WWOX: variants seen among roughly 807,000 people sequenced by gnomAD.
The protein encoded by WWOX is WW domain-containing oxidoreductase.
In WWOX, 69 loss-of-function variants were observed where a neutral mutation model predicts 46.2. The observed-to-expected ratio is 1.49, with a 90% CI of 1.23 to 1.82. WWOX has a LOEUF of 1.82. Ranked by LOEUF, WWOX falls within the 40% of genes most tolerant of loss-of-function variation. The pLI is 0.00. For synonymous variants in WWOX, 359 were observed against 202.6 expected, an observed-to-expected ratio of 1.77 and a Z score of -6.56; for missense variants, 919 against 542.6, an observed-to-expected ratio of 1.69 and a Z score of -6.89.
chr16:78,711,986 C>T (rs1444900705), intron 8 of WWOX, among the ~76,000 whole-genome samples: 2 of 152,190 alleles, frequency 1.3e-5, no homozygotes, highest in Admixed American at 1.3e-4. Context: ...CTTCCATAAT[C>T]TGTGCTAGTT....
chr16:78,698,328 C>A (rs9926201), intron 8 of WWOX, among the ~76,000 whole-genome samples: 17,409 of 152,226 alleles, frequency 0.11, 2,602 homozygotes, highest in African/African-American at 0.35. Flanking sequence ...ATGAGAGATA[C>A]AGATGGTTAA....
At chr16:78,236,472 T>C (rs537525943) in intron 5 of WWOX, among the ~76,000 whole-genome samples, 37 of 152,322 alleles carry the variant, frequency 2.4e-4, no homozygotes, top group Non-Finnish European at 3.5e-4. Flanking sequence ...GTTTGTCCTT[T>C]CCATGTCAGG....
chr16:78,564,731 A>G (rs567999010), intron 8 of WWOX, among the ~76,000 whole-genome samples: 35 of 152,228 alleles, frequency 2.3e-4, no homozygotes, highest in African/African-American at 8.2e-4. Context: ...ATACAACCAT[A>G]TGGTACCTCT....
intron 8 of WWOX, among the ~76,000 whole-genome samples, chr16:79,178,791 A>G (rs374181135): frequency 6.6e-6 from 1 of 152,200 alleles, no homozygotes; most frequent in Admixed American, 6.5e-5. Flanking sequence ...ACAGTTTCCA[A>G]CTACAATTTT....
chr16:78,663,346 T>C (rs1342933987), intron 8 of WWOX, among the ~76,000 whole-genome samples: 1 of 152,246 alleles, frequency 6.6e-6, no homozygotes, highest in Non-Finnish European at 1.5e-5. Flanking sequence ...TGAACCAATC[T>C]AACTAATACT....
chr16:78,733,294 A>G (rs1216985657), intron 8 of WWOX, among the ~76,000 whole-genome samples: 1 of 152,160 alleles, frequency 6.6e-6, no homozygotes, highest in Non-Finnish European at 1.5e-5. Context: ...TGTTTCTACA[A>G]AAAATAATAA....
chr16:78,774,297 A>T (rs890252705), intron 8 of WWOX, among the ~76,000 whole-genome samples: 2 of 152,272 alleles, frequency 1.3e-5, no homozygotes, highest in East Asian at 3.9e-4. Flanking sequence ...GCTACTCAGG[A>T]GGCTGAAAAA....
At chr16:78,700,806 A>T (rs1447322522) in intron 8 of WWOX, among the ~76,000 whole-genome samples, 1 of 152,208 alleles carries the variant, frequency 6.6e-6, no homozygotes, top group African/African-American at 2.4e-5. Context: ...CTTAGTGAAT[A>T]TTTATTGAAT....
chr16:78,620,658 T>C (rs2046156885), intron 8 of WWOX, among the ~76,000 whole-genome samples: 1 of 151,958 alleles, frequency 6.6e-6, no homozygotes, highest in African/African-American at 2.4e-5. Flanking sequence ...TTGATGCACT[T>C]GTACTGCACA....
chr16:78,201,544 C>T (rs1391205742), intron 5 of WWOX, among the ~76,000 whole-genome samples: 1 of 152,066 alleles, frequency 6.6e-6, no homozygotes, highest in Non-Finnish European at 1.5e-5. Context: ...ACAATTTAGT[C>T]CCTTCTGGAA....
At chr16:79,211,449 C>T (rs1597487900) in intron 8 of WWOX, among the ~76,000 whole-genome samples, 159 bp from the exon 9 acceptor site, 1 of 152,228 alleles carries the variant, frequency 6.6e-6, no homozygotes, top group East Asian at 1.9e-4. Context: ...ATACTTTTTA[C>T]AGTCATGTGC....
chr16:78,863,708 C>A (rs1035737968), intron 8 of WWOX, among the ~76,000 whole-genome samples: 1 of 152,176 alleles, frequency 6.6e-6, no homozygotes, highest in African/African-American at 2.4e-5. Flanking sequence ...ATCTGTTGAA[C>A]CGGCAAAACA....
At chr16:78,734,258 G>A (rs1440982940) in intron 8 of WWOX, among the ~76,000 whole-genome samples, 1 of 152,004 alleles carries the variant, frequency 6.6e-6, no homozygotes, top group African/African-American at 2.4e-5. Flanking sequence ...ATAAGTGCAA[G>A]GATTGCAAGA....
chr16:78,688,277 GTCTTTATCCTTAGA>G (rs937080792), intron 8 of WWOX, among the ~76,000 whole-genome samples: 6 of 150,504 alleles, frequency 4.0e-5, no homozygotes, highest in African/African-American at 1.5e-4. Context: ...TTGTTGCATC[GTCTTTATCCTTAGA>G]TCTTAATCAG....
intron 8 of WWOX, among the ~76,000 whole-genome samples, chr16:78,806,492 T>C (rs1468941138): frequency 2.0e-5 from 3 of 152,122 alleles, no homozygotes; most frequent in Non-Finnish European, 4.4e-5. Flanking sequence ...GGGTCTGAGA[T>C]CATCTGAAGG....
chr16:78,643,815 C>A (rs925891283), intron 8 of WWOX, among the ~76,000 whole-genome samples: 3 of 136,380 alleles, frequency 2.2e-5, no homozygotes. Context: ...TGGAGGAAAG[C>A]CCCCTAACTC....
At chr16:78,650,239 T>C (rs1414802022) in intron 8 of WWOX, among the ~76,000 whole-genome samples, 2 of 152,192 alleles carry the variant, frequency 1.3e-5, no homozygotes, top group East Asian at 1.9e-4. Flanking sequence ...GTGACCATAG[T>C]GTTTCTCTAA....
At chr16:78,581,443 A>ACCG (rs1223384856) in intron 8 of WWOX, among the ~76,000 whole-genome samples, 5 of 152,178 alleles carry the variant, frequency 3.3e-5, no homozygotes, top group Non-Finnish European at 7.4e-5. Flanking sequence ...ATTTTAATTG[A>ACCG]GTTTTAAAGC....
chr16:78,177,555 A>G (rs1262503337), intron 5 of WWOX, among the ~76,000 whole-genome samples: 2 of 152,100 alleles, frequency 1.3e-5, no homozygotes, highest in Non-Finnish European at 2.9e-5. Context: ...GCATCCACAG[A>G]GTGTAAGTAG....
Sources: allele counts gnomAD v4.1 joint callset (sites outside exome capture counted in the v4.1 genomes callset), GRCh38; gene constraint gnomAD v4.1.1; transcripts MANE v1.5; gene names NCBI Gene and HGNC (gene_info 2026-07-23, HGNC 2026-07-21).